CCDC15: variants seen among roughly 807,000 people sequenced by gnomAD.
The protein encoded by CCDC15 is coiled-coil domain-containing protein 15.
Under a neutral mutation model 114.5 loss-of-function variants are expected in CCDC15, and 105 were observed. The ratio of observed to expected loss-of-function variants is 0.92; its 90% CI spans 0.78 to 1.08. The LOEUF (loss-of-function observed/expected upper bound fraction) is 1.08. Among genes scored for constraint, CCDC15 ranks in the 50% least tolerant of loss-of-function variants. The probability of loss-of-function intolerance (pLI) is 0.00; values close to 1 mark genes in which losing one functional copy is unlikely to be tolerated. For synonymous variants in CCDC15, 334 were observed against 377.8 expected, an observed-to-expected ratio of 0.88 and a Z score of 1.34; for missense variants, 1,105 against 1,093.6, an observed-to-expected ratio of 1.01 and a Z score of -0.15.
rs771127136 is a variant in CCDC15 at position 125,005,109 on chromosome 11, C to T, written c.2308C>T (p.Arg770Cys). Residue 770 changes from arginine to cysteine, a missense_variant and splice_region_variant, in exon 13 of 16, where the codon CGT (arginine) becomes TGT (cysteine). Arg to Cys is a radical substitution (Grantham distance 180). Coordinates refer to ENST00000344762, the MANE Select transcript of CCDC15 (RefSeq NM_025004.3). ...DVDKEEDKKE[R>C]QKQYLRHRRL... ...AGTAATTTTAACTTCTTACCTTTAGCGTCAAAAGCAGTACCTGAGACATAG... is the reference window on the plus strand; with the variant it reads ...AGTAATTTTAACTTCTTACCTTTAGTGTCAAAAGCAGTACCTGAGACATAG... 1.9e-5 allele frequency: 27 copies of T among 1,410,498 alleles called. No homozygotes were observed. In the South Asian group the frequency reaches 2.0e-4, roughly 11 times the overall value. 87.4% of individuals were successfully genotyped at this position (1,410,498 alleles called of 1,614,324 possible).
At chr11:125,039,287 A>G in intron 15 of CCDC15, 2 of 423,182 alleles carry the variant, frequency 4.7e-6, no homozygotes, top group Non-Finnish European at 4.1e-6. Flanking sequence ...TGCTGGGGAA[A>G]TATTTTCAGC....
At chr11:125,020,137 A>G (rs1948652574) in intron 13 of CCDC15, among the ~76,000 whole-genome samples, 2 of 151,980 alleles carry the variant, frequency 1.3e-5, no homozygotes, top group African/African-American at 2.4e-5. Flanking sequence ...AACAGCAGGA[A>G]AAAAGTTAGA....
At chr11:124,992,525 G>A (rs572479752) in intron 9 of CCDC15, 55 bp from the exon 10 acceptor site, 5 of 984,108 alleles carry the variant, frequency 5.1e-6, no homozygotes, top group South Asian at 2.8e-5. Flanking sequence ...ATTATGATTA[G>A]CATTACACAA....
chr11:124,967,700 A>G (rs1292520603), intron 4 of CCDC15, among the ~76,000 whole-genome samples: 4 of 152,168 alleles, frequency 2.6e-5, no homozygotes, highest in African/African-American at 9.7e-5. Flanking sequence ...GATCCTTTGG[A>G]GGAGAAGAAG....
intron 6 of CCDC15, among the ~76,000 whole-genome samples, chr11:124,980,953 ATGT>A (rs1948063960): frequency 6.6e-6 from 1 of 152,112 alleles, no homozygotes; most frequent in East Asian, 1.9e-4. Context: ...AGATTCTGGT[ATGT>A]TGTATCTTTT....
chr11:125,004,006 G>A (rs956336248), intron 12 of CCDC15, 47 bp downstream of exon 12: 1 of 952,136 alleles, frequency 1.1e-6, no homozygotes, highest in African/African-American at 1.7e-5. Context: ...TACTATGATA[G>A]TATTAATATA....
intron 13 of CCDC15, among the ~76,000 whole-genome samples, chr11:125,020,702 TG>T (rs1204533556): frequency 2.0e-5 from 3 of 152,006 alleles, no homozygotes; most frequent in Non-Finnish European, 2.9e-5. Flanking sequence ...ATTGACATAT[TG>T]ATTTCTGACC....
At chr11:125,011,241 TATTATTA>T (rs1565378821) in intron 13 of CCDC15, among the ~76,000 whole-genome samples, 3 of 140,970 alleles carry the variant, frequency 2.1e-5, no homozygotes, top group Admixed American at 6.9e-5. Context: ...TTATTATTAT[TATTATTA>T]TTTTTTAAGA....
At chr11:124,963,468 T>C (rs886594764) in intron 4 of CCDC15, among the ~76,000 whole-genome samples, 5 of 152,350 alleles carry the variant, frequency 3.3e-5, no homozygotes, top group South Asian at 4.1e-4. Flanking sequence ...TCATATCCTT[T>C]GCCCACTTTT....
chr11:124,991,931 G>C (rs913989135), intron 9 of CCDC15, among the ~76,000 whole-genome samples: 1 of 152,108 alleles, frequency 6.6e-6, no homozygotes, highest in South Asian at 2.1e-4. Flanking sequence ...TGATCTGCCC[G>C]CCTCTTCCTC....
chr11:124,986,644 C>A, intron 6 of CCDC15, 98 bp from the exon 7 acceptor site: 1 of 1,281,022 alleles, frequency 7.8e-7, no homozygotes, highest in Non-Finnish European at 1.0e-6. Context: ...CACATTGTTT[C>A]TTCCTATAAT....
chr11:124,975,054 T>G (rs1230887118), intron 4 of CCDC15, 42 bp from the exon 5 acceptor site: 1 of 1,319,300 alleles, frequency 7.6e-7, no homozygotes, highest in South Asian at 1.4e-5. Flanking sequence ...GAATTAAAAC[T>G]TATCCTGCTT....
At chr11:124,965,634 A>G (rs1291102956) in intron 4 of CCDC15, among the ~76,000 whole-genome samples, 2 of 151,408 alleles carry the variant, frequency 1.3e-5, no homozygotes, top group African/African-American at 2.4e-5. Context: ...TTGTGTCTCT[A>G]TCTCCTTCAG....
intron 11 of CCDC15, among the ~76,000 whole-genome samples, chr11:124,995,123 A>G (rs1321948862): frequency 1.3e-5 from 2 of 152,152 alleles, no homozygotes. Flanking sequence ...GAGCCCTGCC[A>G]GGCTCTTTCC....
intron 4 of CCDC15, among the ~76,000 whole-genome samples, chr11:124,964,834 A>G (rs1378316587): frequency 9.2e-5 from 14 of 152,152 alleles, no homozygotes; most frequent in Non-Finnish European, 4.4e-5. Context: ...TAGTTTATTG[A>G]GAGTTTTTAG....
intron 13 of CCDC15, among the ~76,000 whole-genome samples, chr11:125,023,000 T>C (rs1185932055): frequency 6.6e-6 from 1 of 151,982 alleles, no homozygotes; most frequent in East Asian, 1.9e-4. Flanking sequence ...TGTACATATT[T>C]AAAGGATTTG....
intron 4 of CCDC15, among the ~76,000 whole-genome samples, chr11:124,961,589 G>C (rs1947657768): frequency 6.6e-6 from 1 of 152,118 alleles, no homozygotes; most frequent in Admixed American, 6.6e-5. Flanking sequence ...GTGCAGTCCT[G>C]GCTCACTGCA....
At chr11:125,016,327 A>G (rs2135533240) in intron 13 of CCDC15, among the ~76,000 whole-genome samples, 1 of 152,148 alleles carries the variant, frequency 6.6e-6, no homozygotes, top group East Asian at 1.9e-4. Context: ...GAAATATAAT[A>G]CTGTTGTTCT....
intron 13 of CCDC15, among the ~76,000 whole-genome samples, chr11:125,019,880 G>A (rs946182978): frequency 8.6e-5 from 13 of 151,810 alleles, no homozygotes; most frequent in Admixed American, 2.0e-4. Flanking sequence ...ATATTAGTGG[G>A]GTACGTGTGA....
Sources: gnomAD v4.1 joint callset for allele counts (sites outside exome capture counted in the v4.1 genomes callset) on GRCh38, gnomAD v4.1.1 for gene constraint, MANE v1.5 for transcripts, NCBI Gene and HGNC (gene_info 2026-07-23, HGNC 2026-07-21) for gene names.